The following PIEZO2 variants were observed in gnomAD, a reference collection of about 807,000 sequenced individuals.
PIEZO2 encodes the protein piezo-type mechanosensitive ion channel component 2.
Under a neutral mutation model 337.3 loss-of-function variants are expected in PIEZO2, and 172 were observed. The ratio of observed to expected loss-of-function variants is 0.51; its 90% CI spans 0.45 to 0.58. The LOEUF (loss-of-function observed/expected upper bound fraction) is 0.58. PIEZO2 is among the 20% of genes least tolerant of loss of function. The pLI is 0.00. For missense variants in PIEZO2, 3,028 were observed against 3,391.3 expected (o/e 0.89, Z 2.66); for synonymous variants, 1,251 against 1,228.5 (o/e 1.02, Z -0.38).
At position 10,943,826 on chromosome 18, in the gene PIEZO2, A is replaced by C. The variant is rs2032852919; in HGVS notation, c.287-32598T>G. Among the ~76,000 whole-genome samples the C allele has an allele frequency of 6.6e-6, 1 of 152,234 alleles. No individual in the cohort carries two copies. The highest frequency in any genetic ancestry group is 2.4e-5 in the African/African-American group (1 of 41,532). ...AGAGTTGCAGAAGGGACCCGGTGGG[A>C]GATGACTGAATCATGGGAGCAAGTC... is the stretch of plus-strand genomic sequence containing the variant. On this transcript the variant is annotated intron_variant, in intron 3 of 55. Transcript: ENST00000674853. The surrounding 1 kb of genome is among the most constrained non-coding windows in gnomAD (Gnocchi z 4.5).
Position 10,788,990 on chromosome 18 carries a change from G to A in PIEZO2, c.2169+89C>T, listed in dbSNP as rs1339382869. ...CCAATCACTTTATCCATGTTCATGA[G>A]ATTCTAGTGATTTAAAATCTCTGCA... On this transcript the variant is annotated intron_variant, in intron 15 of 55. Transcript: ENST00000674853. 6 of 1,349,606 alleles carry A rather than the reference G, an allele frequency of 4.4e-6. No individual in the cohort carries two copies. The East Asian group carries it at 7.6e-5, about 17-fold the overall frequency. 83.6% of individuals were successfully genotyped at this position (1,349,606 alleles called of 1,614,324 possible). A position where few individuals can be genotyped will look rare whatever the true frequency, so the allele number is the denominator to read the frequency against.
chr18:10,753,180 A>T (rs1237278247), intron 27 of PIEZO2, among the ~76,000 whole-genome samples: 2 of 152,236 alleles, frequency 1.3e-5, no homozygotes, highest in African/African-American at 4.8e-5. Context: ...TTTCTATGGG[A>T]GGCATGAATA....
intron 3 of PIEZO2, among the ~76,000 whole-genome samples, chr18:10,938,883 G>A (rs1420428998): frequency 3.9e-5 from 6 of 152,056 alleles, no homozygotes; most frequent in Non-Finnish European, 8.8e-5. Flanking sequence ...TCAGGAGATC[G>A]AGACCATCCT....
At chr18:10,922,563 T>C (rs1436641265) in intron 3 of PIEZO2, among the ~76,000 whole-genome samples, 2 of 151,942 alleles carry the variant, frequency 1.3e-5, no homozygotes, top group African/African-American at 4.8e-5. Context: ...GATTCCTTAG[T>C]AGCTGAGCGA....
intron 1 of PIEZO2, among the ~76,000 whole-genome samples, chr18:11,076,128 T>G (rs1351122367): frequency 6.6e-6 from 1 of 152,218 alleles, no homozygotes; most frequent in Non-Finnish European, 1.5e-5. Context: ...TCCCATTTAG[T>G]CATGTTTTAA....
chr18:11,015,077 C>T (rs2036065883), intron 2 of PIEZO2, among the ~76,000 whole-genome samples: 1 of 135,570 alleles, frequency 7.4e-6, no homozygotes, highest in African/African-American at 3.2e-5. Context: ...AAGATGTCAC[C>T]CTGGGCGGGA....
intron 2 of PIEZO2, among the ~76,000 whole-genome samples, chr18:11,023,731 G>A (rs777438005): frequency 4.9e-4 from 74 of 152,358 alleles, no homozygotes; most frequent in Non-Finnish European, 7.8e-4. Context: ...GGGCCGCACA[G>A]GAGCCCACGG....
intron 5 of PIEZO2, among the ~76,000 whole-genome samples, chr18:10,864,662 A>G (rs184603270): frequency 9.2e-5 from 14 of 152,372 alleles, no homozygotes; most frequent in Non-Finnish European, 1.9e-4. Flanking sequence ...CTGAAGCCCT[A>G]GCAAGAAATG....
intron 2 of PIEZO2, among the ~76,000 whole-genome samples, chr18:10,989,074 A>G (rs974786508): frequency 6.6e-6 from 1 of 152,128 alleles, no homozygotes; most frequent in Admixed American, 6.6e-5. Context: ...ACAAGGGAAG[A>G]TCTTAAGAGA....
intron 3 of PIEZO2, among the ~76,000 whole-genome samples, chr18:10,977,125 G>T (rs1427080501): frequency 6.6e-6 from 1 of 151,028 alleles, no homozygotes; most frequent in Non-Finnish European, 1.5e-5. Flanking sequence ...GTTGCTTTAG[G>T]ATTTCATATC....
intron 35 of PIEZO2, among the ~76,000 whole-genome samples, chr18:10,732,598 AC>A (rs1567997238): frequency 6.6e-6 from 1 of 152,246 alleles, no homozygotes; most frequent in Non-Finnish European, 1.5e-5. Flanking sequence ...TCTGAATTTC[AC>A]GAGAAATTAA....
intron 1 of PIEZO2, among the ~76,000 whole-genome samples, chr18:11,103,810 C>CGT (rs1466262289): frequency 8.2e-6 from 1 of 122,554 alleles, no homozygotes; most frequent in Non-Finnish European, 1.7e-5. Flanking sequence ...TGTGTGTGTG[C>CGT]GTGTGTGCGT....
Position 10,726,814 on chromosome 18 carries a change from G to A in PIEZO2, c.5029+4593C>T. Reference sequence around the variant, plus strand: ...TGTGGACCACCTGCGGCCCCATGGGGTGCTGGATAATACCCGGATGCCCCA... The same window carrying A: ...TGTGGACCACCTGCGGCCCCATGGGATGCTGGATAATACCCGGATGCCCCA... On this transcript the variant is annotated intron_variant, in intron 36 of 55. Transcript: ENST00000674853. This position sits in a 1 kb window ranked among gnomAD's most constrained non-coding sequence, Gnocchi z 5.9. The A allele has an allele frequency of 6.4e-7, 1 of 1,567,210 alleles. No homozygotes were observed. The highest frequency in any genetic ancestry group is 8.7e-7 in the Non-Finnish European group (1 of 1,142,982).
At position 10,697,848 on chromosome 18, in the gene PIEZO2, C is replaced by T. The variant is rs759542766; in HGVS notation, c.6727G>A (p.Gly2243Arg). The T allele has an allele frequency of 1.2e-6, 2 of 1,613,866 alleles. No individual in the cohort carries two copies. Among genetic ancestry groups the T allele is most frequent in the Non-Finnish European group, 1.7e-6 (2 of 1,179,912 alleles). Residue 2243 changes from glycine to arginine, a missense_variant, in exon 45 of 56, where the codon GGA (glycine) becomes AGA (arginine). This residue lies in a region of PIEZO2 where 1,925 missense variants were observed against 2,051.9 expected (regional missense o/e 0.94). Transcript: ENST00000674853. ...TGCTTAATACTCAAAACACTGCTTC[C>T]TTTTTGACTGCTGTTTCGGGTGCTT... ...STSTRNSSQKGSSVLSIKQKG... is the reference protein window; with the variant it reads ...STSTRNSSQKRSSVLSIKQKG...
rs181664889 is a variant in PIEZO2 at position 11,083,228 on chromosome 18, G to A, written c.65-17006C>T. On this transcript the variant is annotated intron_variant, in intron 1 of 55. Coordinates refer to ENST00000674853, the MANE Select transcript of PIEZO2 (RefSeq NM_001378183.1). The surrounding 1 kb of genome is among the most constrained non-coding windows in gnomAD (Gnocchi z 4.4). ...TGATTTTACAGATGAAGACTATAGGGCCAAATGACTTAAATGTTTTAACTT... is the reference window on the plus strand; with the variant it reads ...TGATTTTACAGATGAAGACTATAGGACCAAATGACTTAAATGTTTTAACTT... Among the ~76,000 whole-genome samples the A allele has an allele frequency of 1.3e-5, 2 of 152,324 alleles. No individual in the cohort carries two copies. Among genetic ancestry groups the A allele is most frequent in the East Asian group, 3.9e-4 (2 of 5,182 alleles).
chr18:11,068,196 A>G (rs2038214661), intron 1 of PIEZO2, among the ~76,000 whole-genome samples: 1 of 152,212 alleles, frequency 6.6e-6, no homozygotes, highest in Non-Finnish European at 1.5e-5. Context: ...CTGGGATTAC[A>G]GGTGTGAGCC....
At chr18:10,887,563 C>T (rs1378530603) in intron 4 of PIEZO2, among the ~76,000 whole-genome samples, 2 of 152,124 alleles carry the variant, frequency 1.3e-5, no homozygotes, top group Non-Finnish European at 2.9e-5. Context: ...ACAATCTTCC[C>T]AAACAGGAAA....
intron 13 of PIEZO2, 116 bp from the exon 14 acceptor site, chr18:10,791,440 T>C (rs985089243): frequency 2.5e-6 from 3 of 1,185,254 alleles, no homozygotes; most frequent in South Asian, 1.8e-5. Flanking sequence ...TAAACCTTTT[T>C]ATTGGAGACA....
chr18:10,978,370 TG>T (rs1465974454), intron 3 of PIEZO2, among the ~76,000 whole-genome samples: 10 of 151,536 alleles, frequency 6.6e-5, no homozygotes, highest in African/African-American at 2.2e-4. Flanking sequence ...ACAAAAAAAC[TG>T]CTGAACTGTA....
Sources: gnomAD v4.1 joint callset for allele counts (sites outside exome capture counted in the v4.1 genomes callset) on GRCh38, gnomAD v4.1.1 for gene constraint, gnomAD v4.1.1 regional missense constraint, Gnocchi (gnomAD v3.1) non-coding constraint, MANE v1.5 for transcripts, NCBI Gene and HGNC (gene_info 2026-07-23, HGNC 2026-07-21) for gene names.